The following HNRNPUL2 variants were observed in gnomAD, a reference collection of about 807,000 sequenced individuals.
HNRNPUL2 encodes heterogeneous nuclear ribonucleoprotein U like 2.
HNRNPUL2 carries 27 observed loss-of-function variants against 102.2 expected under a neutral mutation model. The ratio of observed to expected loss-of-function variants is 0.26; its 90% CI spans 0.19 to 0.36. The LOEUF (loss-of-function observed/expected upper bound fraction) is 0.36. Among genes scored for constraint, HNRNPUL2 ranks in the 10% least tolerant of loss-of-function variants. The pLI is 1.00. For missense variants in HNRNPUL2, 936 were observed against 981.1 expected (o/e 0.95, Z 0.61); for synonymous variants, 458 against 387.2 (o/e 1.18, Z -2.15).
intron 1 of HNRNPUL2, 32 bp from the exon 2 acceptor site, chr11:62,724,458 T>A: frequency 1.2e-6 from 2 of 1,613,944 alleles, no homozygotes; most frequent in Non-Finnish European, 1.7e-6. Flanking sequence ...AATCAGCAGT[T>A]TTCATACTGG....
chr11:62,722,739 C>T, intron 5 of HNRNPUL2, 26 bp from the exon 6 acceptor site: 5 of 1,607,572 alleles, frequency 3.1e-6, no homozygotes, highest in Non-Finnish European at 4.3e-6. Context: ...AATTAGTTAC[C>T]TACAACCGGA....
intron 5 of HNRNPUL2, 44 bp from the exon 6 acceptor site, chr11:62,722,757 T>C (rs760915433): frequency 3.0e-5 from 48 of 1,603,946 alleles, no homozygotes; most frequent in African/African-American, 4.0e-5. Context: ...GGACTTCCCA[T>C]AGAGTAAGCA....
At chr11:62,721,559 G>A in intron 8 of HNRNPUL2, 136 bp from the exon 9 acceptor site, 3 of 903,986 alleles carry the variant, frequency 3.3e-6, no homozygotes, top group Non-Finnish European at 5.1e-6. Flanking sequence ...ATTCTTCAGT[G>A]CTGTGAATGT....
At chr11:62,720,790 C>T (rs930069278) in intron 9 of HNRNPUL2, among the ~76,000 whole-genome samples, 3 of 144,842 alleles carry the variant, frequency 2.1e-5, no homozygotes, top group Non-Finnish European at 4.5e-5. Flanking sequence ...CATGAACCTA[C>T]GAGGCTGAGC....
chr11:62,726,873 T>TCGTCCTCGTCCTCAAGCAGCG lies in HNRNPUL2; in HGVS notation c.263_283dup (p.Ala88_Asp94dup). On this transcript the variant is annotated inframe_insertion, in exon 1 of 14. Transcript: ENST00000301785. ...CAAGGCTTGAGCAGGGGGTGGCTCC[T>TCGTCCTCGTCCTCAAGCAGCG]CGTCCTCGTCCTCAAGCAGCGCCTC... 1 of 1,579,686 alleles carries TCGTCCTCGTCCTCAAGCAGCG rather than the reference T, an allele frequency of 6.3e-7. No homozygotes were observed. Among genetic ancestry groups the TCGTCCTCGTCCTCAAGCAGCG allele is most frequent in the Non-Finnish European group, 8.5e-7 (1 of 1,171,772 alleles).
rs2083690486 is a variant in HNRNPUL2, at chr11:62,720,253, G to C, written c.1612-62C>G. The C allele has an allele frequency of 3.9e-6, 6 of 1,538,888 alleles. No individual in the cohort carries two copies. In the African/African-American group the frequency reaches 4.1e-5, roughly 10 times the overall value. ...AATTATCACTCAGATTTAACCAAAAGAATCAGTATCAGCTGGGCACGGTGG... is the reference window on the plus strand; with the variant it reads ...AATTATCACTCAGATTTAACCAAAACAATCAGTATCAGCTGGGCACGGTGG... On this transcript the variant is annotated intron_variant, in intron 9 of 13. Coordinates refer to ENST00000301785, the MANE Select transcript of HNRNPUL2 (RefSeq NM_001079559.3).
At chr11:62,716,396 C>T (rs2083660690) in intron 11 of HNRNPUL2, among the ~76,000 whole-genome samples, 1 of 152,140 alleles carries the variant, frequency 6.6e-6, no homozygotes, top group Non-Finnish European at 1.5e-5. Flanking sequence ...AGCAGGCACT[C>T]GGAAATTCTG....
chr11:62,720,278 G>A, intron 9 of HNRNPUL2, 87 bp from the exon 10 acceptor site: 2 of 1,289,106 alleles, frequency 1.6e-6, no homozygotes, highest in Non-Finnish European at 2.2e-6. Context: ...GGGCACGGTG[G>A]CTCACGCCTG....
chr11:62,726,665 C>T lies in HNRNPUL2; in HGVS notation c.492G>A (p.Glu164=). 1.3e-6 allele frequency: 2 copies of T among 1,599,262 alleles called. No homozygotes were observed. Among genetic ancestry groups the T allele is most frequent in the South Asian group, 1.1e-5 (1 of 90,862 alleles). The change falls in exon 1 of 14, where the codon GAG becomes GAA. Residue 164 remains glutamate (E), a synonymous_variant. Transcript: ENST00000301785. ...CACCCGGCACCTCGGATCCCGGCGT[C>T]TCGTCCCCGCTCCGCTCCTCGGGTT... ...EDEPEERSGD[E]TPGSEVPGDK...
rs187397108 is a variant in HNRNPUL2 at position 62,713,269 on chromosome 11, A to G, written c.*2030T>C. ...TGCTATTTGCAGGACTAAACATCTG[A>G]AAAGGGGTGGCAGCCACTGCCTCAG... On this transcript the variant is annotated 3_prime_UTR_variant, in exon 14 of 14. Transcript: ENST00000301785. 5.3e-5 allele frequency: 8 copies of G among 152,350 alleles called. No homozygotes were observed. The East Asian group carries it at 1.5e-3, about 29-fold the overall frequency. The allele number at this position is 152,350 out of a possible 1,614,324, so 9.4% of individuals were successfully genotyped here.
Position 62,714,569 on chromosome 11 carries a change from G to T in HNRNPUL2, c.*730C>A, listed in dbSNP as rs2083644452. The stretch of plus-strand genomic sequence containing the variant: ...CTATTCTGCTCTGCCATCAAGGACA[G>T]TCCCCAGGCTTTCTTGGCCTGGGAA... On this transcript the variant is annotated 3_prime_UTR_variant, in exon 14 of 14. Coordinates refer to ENST00000301785, the MANE Select transcript of HNRNPUL2 (RefSeq NM_001079559.3). 1 of 152,192 alleles carries T rather than the reference G, an allele frequency of 6.6e-6. No homozygotes were observed. 9.4% of individuals were successfully genotyped at this position (152,192 alleles called of 1,614,324 possible).
Position 62,727,276 on chromosome 11 carries a change from G to T in HNRNPUL2, c.-120C>A. 8.5e-7 allele frequency: 1 copy of T among 1,181,390 alleles called. No homozygotes were observed. Among genetic ancestry groups the T allele is most frequent in the Non-Finnish European group, 1.1e-6 (1 of 946,426 alleles). The allele number at this position is 1,181,390 out of a possible 1,614,324, so 73.2% of individuals were successfully genotyped here. A position where few individuals can be genotyped will look rare whatever the true frequency, so the allele number is the denominator to read the frequency against. ...CGCCTCACGCGCCAGCACTGAGCCC[G>T]CGCGAGCGAGCGCACGCACGCAGGA... On this transcript the variant is annotated 5_prime_UTR_variant, in exon 1 of 14. Transcript: ENST00000301785.
Position 62,715,979 on chromosome 11 carries a change from G to A in HNRNPUL2, c.1982-42C>T, listed in dbSNP as rs756840852. On this transcript the variant is annotated intron_variant, in intron 11 of 13. Coordinates refer to ENST00000301785, the MANE Select transcript of HNRNPUL2 (RefSeq NM_001079559.3). ...GAGCGCGCTCAGACAGCTGGCATGG[G>A]GTCCTGGCTCCACATCTGGGTGGAA... 4.7e-6 allele frequency: 7 copies of A among 1,490,130 alleles called. No individual in the cohort carries two copies. The Admixed American group carries it at 1.5e-4, about 31-fold the overall frequency. The allele number at this position is 1,490,130 out of a possible 1,614,324, so 92.3% of individuals were successfully genotyped here.
intron 1 of HNRNPUL2, among the ~76,000 whole-genome samples, chr11:62,725,890 G>A (rs1590901806): frequency 1.3e-5 from 2 of 152,186 alleles, no homozygotes; most frequent in Admixed American, 6.5e-5. Flanking sequence ...GACCTGAAAC[G>A]TAAAAGACTA....
chr11:62,723,283 G>C (rs941284334), intron 4 of HNRNPUL2, among the ~76,000 whole-genome samples: 1 of 152,266 alleles, frequency 6.6e-6, no homozygotes, highest in South Asian at 2.1e-4. Context: ...CCTGAGGTCG[G>C]GAGTTCAAGA....
chr11:62,726,630 G>A lies in HNRNPUL2; in HGVS notation c.527C>T (p.Ala176Val), dbSNP rs572973134. ...TGCCAGCTCCTCACCCTGTTCCTCG[G>A]CGGCCTTGTCACCCGGCACCTCGGA... ...PGSEVPGDKAAEEQGDDQDSE... is the reference protein window; with the variant it reads ...PGSEVPGDKAVEEQGDDQDSE... The change falls in exon 1 of 14, where the codon GCC becomes GTC. Residue 176 changes from alanine to valine, a missense_variant. Physicochemically the swap from Ala to Val is moderately conservative, Grantham distance 64. This residue lies in a region of HNRNPUL2 where 327 missense variants were observed against 268.1 expected (regional missense o/e 1.22). Coordinates refer to ENST00000301785, the MANE Select transcript of HNRNPUL2 (RefSeq NM_001079559.3). The A allele has an allele frequency of 8.6e-4, 1,367 of 1,588,456 alleles. 23 individuals are homozygous for A. In the South Asian group the frequency reaches 0.015, roughly 17 times the overall value.
chr11:62,725,490 C>A (rs1309593308), intron 1 of HNRNPUL2, among the ~76,000 whole-genome samples: 1 of 152,204 alleles, frequency 6.6e-6, no homozygotes, highest in Non-Finnish European at 1.5e-5. Flanking sequence ...TGAGCCACCA[C>A]CCCCAGCCTA....
chr11:62,727,311 G>A lies in HNRNPUL2; in HGVS notation c.-155C>T, dbSNP rs1004179140. 2.1e-6 allele frequency: 2 copies of A among 955,088 alleles called. No homozygotes were observed. Among genetic ancestry groups the A allele is most frequent in the East Asian group, 3.7e-5 (1 of 26,820 alleles). The allele number at this position is 955,088 out of a possible 1,614,324, so 59.2% of individuals were successfully genotyped here. The stretch of plus-strand genomic sequence containing the variant: ...GCGCACGCACGCAGGAGCGGAGGCC[G>A]CGCACGGTCCCGCTGCGCAGTGTTT... On this transcript the variant is annotated 5_prime_UTR_variant, in exon 1 of 14. Transcript: ENST00000301785.
intron 4 of HNRNPUL2, 29 bp downstream of exon 4, chr11:62,723,558 T>C (rs1590899900): frequency 5.1e-6 from 8 of 1,566,498 alleles, no homozygotes; most frequent in African/African-American, 2.7e-5. Flanking sequence ...AATAAATGAA[T>C]GAATGAATGA....
Sources: gnomAD v4.1 joint callset for allele counts (sites outside exome capture counted in the v4.1 genomes callset) on GRCh38, gnomAD v4.1.1 for gene constraint, gnomAD v4.1.1 regional missense constraint, MANE v1.5 for transcripts, NCBI Gene and HGNC (gene_info 2026-07-23, HGNC 2026-07-21) for gene names.